Variants in CCNK observed in about 807,000 individuals in gnomAD.
CCNK encodes the protein cyclin K.
A neutral mutation model predicts 65.0 loss-of-function variants in CCNK; 9 were observed. The ratio of observed to expected loss-of-function variants is 0.14; its 90% CI spans 0.08 to 0.24. The LOEUF (loss-of-function observed/expected upper bound fraction) is 0.24. Ranked by LOEUF, CCNK falls within the 10% of genes least tolerant of loss-of-function variation. The pLI, the probability that CCNK is intolerant of heterozygous loss-of-function variation, is 1.00. For missense variants in CCNK, 474 were observed against 720.0 expected, an observed-to-expected ratio of 0.66 and a Z score of 3.91; for synonymous variants, 279 against 270.8, an observed-to-expected ratio of 1.03 and a Z score of -0.30.
chr14:99,511,057 T>C lies in CCNK; in HGVS notation c.*275T>C. 1 of 301,970 alleles carries C rather than the reference T, an allele frequency of 3.3e-6. No homozygotes were observed. The highest frequency in any genetic ancestry group is 6.1e-6 in the Non-Finnish European group (1 of 165,114). 18.7% of individuals were successfully genotyped at this position (301,970 alleles called of 1,614,324 possible). On this transcript the variant is annotated 3_prime_UTR_variant, in exon 11 of 11. Transcript: ENST00000389879. ...GAGAGTCCTGCACTGGGTTACTTTATACTAGTGAGGACGTTAACCAGCCAT... is the reference window on the plus strand; with the variant it reads ...GAGAGTCCTGCACTGGGTTACTTTACACTAGTGAGGACGTTAACCAGCCAT...
In CCNK at chr14:99,511,220, C is replaced by T. The variant is rs1022258502; in HGVS notation, c.*438C>T. ...TGTCATTTTCATTCGGTGACATTCTCTCCCATGACACCCAGAAGGGGCAGA... is the reference window on the plus strand; with the variant it reads ...TGTCATTTTCATTCGGTGACATTCTTTCCCATGACACCCAGAAGGGGCAGA... On this transcript the variant is annotated 3_prime_UTR_variant, in exon 11 of 11. Coordinates refer to ENST00000389879, the MANE Select transcript of CCNK (RefSeq NM_001099402.2). 1.3e-5 allele frequency: 2 copies of T among 153,426 alleles called. No individual in the cohort carries two copies. The highest frequency in any genetic ancestry group is 4.8e-5 in the African/African-American group (2 of 41,518). The allele number at this position is 153,426 out of a possible 1,614,324, so 9.5% of individuals were successfully genotyped here. A position where few individuals can be genotyped will look rare whatever the true frequency, so the allele number is the denominator to read the frequency against.
chr14:99,500,763 T>G lies in CCNK; in HGVS notation c.412-3T>G. ...TGTCCTAACATTTGTGATTGATTTT[T>G]AGGAGGAAGTAATGGTTCTGGAGAG... On this transcript the variant is annotated splice_polypyrimidine_tract_variant and splice_region_variant and intron_variant, in intron 4 of 10. Transcript: ENST00000389879. 2 of 1,541,660 alleles carry G rather than the reference T, an allele frequency of 1.3e-6. No homozygotes were observed. The highest frequency in any genetic ancestry group is 1.2e-5 in the South Asian group (1 of 83,962).
At chr14:99,500,945 C>T (rs959351993) in intron 5 of CCNK, 74 bp downstream of exon 5, 27 of 937,762 alleles carry the variant, frequency 2.9e-5, no homozygotes, top group Middle Eastern at 2.9e-4. Flanking sequence ...ACTCAAATTA[C>T]GCTTCTCAAA....
chr14:99,503,395 T>A, intron 8 of CCNK: 2 of 603,824 alleles, frequency 3.3e-6, no homozygotes, highest in Non-Finnish European at 5.9e-6. Context: ...AAGCTAGTCA[T>A]TCTGTCTTAT....
chr14:99,510,115 T>C, intron 10 of CCNK, 42 bp from the exon 11 acceptor site: 13 of 1,555,972 alleles, frequency 8.4e-6, no homozygotes, highest in Non-Finnish European at 1.1e-5. Context: ...AAAGCAACCA[T>C]TGCTGGCGGA....
At chr14:99,509,804 T>C (rs1406333710) in intron 10 of CCNK, 3 of 337,502 alleles carry the variant, frequency 8.9e-6, no homozygotes, top group Non-Finnish European at 1.6e-5. Flanking sequence ...GGTCAGTTTC[T>C]GAAGGCAGAA....
intron 3 of CCNK, 77 bp downstream of exon 3, chr14:99,493,672 T>C (rs1342367956): frequency 2.1e-6 from 2 of 934,744 alleles, no homozygotes; most frequent in Non-Finnish European, 3.3e-6. Context: ...AATTATAAGC[T>C]CTATTTTTCT....
At chr14:99,492,478 G>T in intron 1 of CCNK, 148 bp from the exon 2 acceptor site, 1 of 550,218 alleles carries the variant, frequency 1.8e-6, no homozygotes. Flanking sequence ...TGTTAAATTG[G>T]CTCTGGAGTT....
chr14:99,512,387 T>G lies in CCNK; in HGVS notation c.*1605T>G, dbSNP rs1897150436. Reference sequence around the variant, plus strand: ...ATACTTTGCCCCACAGTATGAAAAATATACACCTCTACCGCTCTGCAGTCA... The same window carrying G: ...ATACTTTGCCCCACAGTATGAAAAAGATACACCTCTACCGCTCTGCAGTCA... On this transcript the variant is annotated 3_prime_UTR_variant, in exon 11 of 11. Transcript: ENST00000389879. 1 of 148,396 alleles carries G rather than the reference T, an allele frequency of 6.7e-6. No homozygotes were observed. The highest frequency in any genetic ancestry group is 6.7e-5 in the Admixed American group (1 of 14,882). 9.2% of individuals were successfully genotyped at this position (148,396 alleles called of 1,614,324 possible).
Position 99,481,419 on chromosome 14 carries a change from A to T in CCNK, c.-113A>T, listed in dbSNP as rs1159949534. ...ATGACGTAGGTCCCCGACATTCCAT[A>T]TACAAGATGGCCGCAGTCGGCAAGG... is the stretch of plus-strand genomic sequence containing the variant. On this transcript the variant is annotated 5_prime_UTR_variant, in exon 1 of 11. Transcript: ENST00000389879. 2 of 398,580 alleles carry T rather than the reference A, an allele frequency of 5.0e-6. No individual in the cohort carries two copies. The highest frequency in any genetic ancestry group is 4.1e-5 in the African/African-American group (2 of 48,638). The allele number at this position is 398,580 out of a possible 1,614,324, so 24.7% of individuals were successfully genotyped here.
At position 99,498,003 on chromosome 14, in the gene CCNK, A is replaced by G. The variant is rs544736513; in HGVS notation, c.411+2374A>G. 2.8e-4 allele frequency among the ~76,000 whole-genome samples: 42 copies of G among 152,280 alleles called. No homozygotes were observed. The South Asian group carries it at 8.3e-3, about 30-fold the overall frequency. ...TAGTGGGGCCCTGTGTCCTAACGTGATAAGTCTGATTGTAGGAACATGCTG... is the reference window on the plus strand; with the variant it reads ...TAGTGGGGCCCTGTGTCCTAACGTGGTAAGTCTGATTGTAGGAACATGCTG... On this transcript the variant is annotated intron_variant, in intron 4 of 10. Coordinates refer to ENST00000389879, the MANE Select transcript of CCNK (RefSeq NM_001099402.2).
chr14:99,494,558 G>C (rs1896660534), intron 3 of CCNK: 1 of 152,210 alleles, frequency 6.6e-6, no homozygotes, highest in Non-Finnish European at 1.5e-5. Context: ...CCCCGGCAGA[G>C]TGTCTGACAT....
chr14:99,504,487 G>C (rs1193419069), intron 9 of CCNK: 1 of 132,226 alleles, frequency 7.6e-6, no homozygotes, highest in Non-Finnish European at 1.6e-5. Context: ...TTTCACTCTT[G>C]TTGCCCAGGC....
intron 1 of CCNK, among the ~76,000 whole-genome samples, chr14:99,490,955 G>GT (rs1007689944): frequency 1.3e-5 from 2 of 150,946 alleles, no homozygotes; most frequent in African/African-American, 4.9e-5. Context: ...AGAGATGTCT[G>GT]TTTTTTCCCC....
Position 99,503,656 on chromosome 14 carries a change from T to C in CCNK, c.1045+12T>C, listed in dbSNP as rs1896898519. ...GAACAAAGCAGCAGGTAATTTCCTG[T>C]TCTGATGTTTTTTTAGTTTTATGTG... On this transcript the variant is annotated intron_variant, in intron 9 of 10. Coordinates refer to ENST00000389879, the MANE Select transcript of CCNK (RefSeq NM_001099402.2). 2 of 1,553,210 alleles carry C rather than the reference T, an allele frequency of 1.3e-6. No homozygotes were observed. Among genetic ancestry groups the C allele is most frequent in the Admixed American group, 2.0e-5 (1 of 50,814 alleles).
rs918156496 is a variant in CCNK at position 99,500,878 on chromosome 14, A to C, written c.517+7A>C. The C allele has an allele frequency of 1.3e-6, 2 of 1,482,278 alleles. No homozygotes were observed. Among genetic ancestry groups the C allele is most frequent in the Non-Finnish European group, 1.8e-6 (2 of 1,094,582 alleles). The allele number at this position is 1,482,278 out of a possible 1,614,324, so 91.8% of individuals were successfully genotyped here. On this transcript the variant is annotated splice_region_variant and intron_variant, in intron 5 of 10. Transcript: ENST00000389879. ...TATGCAAAGCAACTCAAAGGTAAGAAGAAAGTTTTCAGAAGAATTTTTTCA... is the reference window on the plus strand; with the variant it reads ...TATGCAAAGCAACTCAAAGGTAAGACGAAAGTTTTCAGAAGAATTTTTTCA...
chr14:99,494,391 A>G (rs1323491730), intron 3 of CCNK: 1 of 152,224 alleles, frequency 6.6e-6, no homozygotes, highest in Non-Finnish European at 1.5e-5. Context: ...TGGGTGAACA[A>G]TGCAGTAATT....
chr14:99,483,428 C>T (rs2139844721), intron 1 of CCNK, among the ~76,000 whole-genome samples: 1 of 152,220 alleles, frequency 6.6e-6, no homozygotes, highest in South Asian at 2.1e-4. Flanking sequence ...AGGTGCATGC[C>T]TGTAGTAGCT....
intron 6 of CCNK, 151 bp downstream of exon 6, chr14:99,501,564 C>T: frequency 1.7e-6 from 1 of 605,720 alleles, no homozygotes; most frequent in Admixed American, 3.0e-5. Flanking sequence ...GGGCTGACGT[C>T]CAGGTCATCT....
Sources: allele counts gnomAD v4.1 joint callset (sites outside exome capture counted in the v4.1 genomes callset), GRCh38; gene constraint gnomAD v4.1.1; transcripts MANE v1.5; gene names NCBI Gene and HGNC (gene_info 2026-07-23, HGNC 2026-07-21).